The following CNTNAP2 variants were observed in gnomAD, a reference collection of about 807,000 sequenced individuals.
The protein encoded by CNTNAP2 is contactin-associated protein-like 2.
In CNTNAP2, 98 loss-of-function variants were observed where a neutral mutation model predicts 155.2. The observed-to-expected ratio is 0.63, with a 90% CI of 0.54 to 0.75. The LOEUF is 0.75. Ranked by LOEUF, CNTNAP2 falls within the 30% of genes least tolerant of loss-of-function variation. The pLI, the probability that CNTNAP2 is intolerant of heterozygous loss-of-function variation, is 0.00. For missense variants in CNTNAP2, 1,727 were observed against 1,688.1 expected (o/e 1.02, Z -0.40); for synonymous variants, 651 against 631.2 (o/e 1.03, Z -0.47).
intron 15 of CNTNAP2, among the ~76,000 whole-genome samples, chr7:148,003,450 A>G (rs1261467015): frequency 6.6e-6 from 1 of 152,188 alleles, no homozygotes; most frequent in Non-Finnish European, 1.5e-5. Context: ...TATTCACCCT[A>G]AATTTAATCA....
chr7:146,449,775 A>G (rs139508463), intron 1 of CNTNAP2, among the ~76,000 whole-genome samples: 1,611 of 152,314 alleles, frequency 0.011, 12 homozygotes, highest in South Asian at 0.018. Flanking sequence ...TTTTAGTATG[A>G]TGACAAGCTT....
chr7:146,794,935 A>C (rs1288019814), intron 2 of CNTNAP2, among the ~76,000 whole-genome samples: 7 of 152,220 alleles, frequency 4.6e-5, no homozygotes, highest in Non-Finnish European at 1.0e-4. Context: ...ACATTCATCA[A>C]GTTCTGCTCT....
intron 1 of CNTNAP2, among the ~76,000 whole-genome samples, chr7:146,350,253 G>T (rs1372134749): frequency 2.6e-5 from 4 of 151,804 alleles, no homozygotes; most frequent in African/African-American, 9.7e-5. Flanking sequence ...TCTTCCAGTT[G>T]ATCGAAAATT....
chr7:148,094,370 T>C (rs953591078), intron 15 of CNTNAP2, among the ~76,000 whole-genome samples: 1 of 152,208 alleles, frequency 6.6e-6, no homozygotes, highest in Non-Finnish European at 1.5e-5. Flanking sequence ...AATAATAGTG[T>C]TTTTGGTAAC....
In CNTNAP2 at chr7:147,977,884, T is replaced by A; in HGVS notation, c.2278T>A (p.Ser760Thr). The A allele has an allele frequency of 6.2e-7, 1 of 1,614,144 alleles. No homozygotes were observed. Among genetic ancestry groups the A allele is most frequent in the Non-Finnish European group, 8.5e-7 (1 of 1,180,016 alleles). ...KQWRKDAGFL[S>T]YKDHLPVSQV... ...CAGGAGGAAGGATGCTGGTTTCTTA[T>A]CATACAAAGATCACCTGCCAGTGAG... The change falls in exon 15 of 24, where the codon TCA (serine) becomes ACA (threonine). Residue 760 changes from serine to threonine, a missense_variant. Transcript: ENST00000361727.
At chr7:146,402,084 GTCTTCCAT>G (rs1795722612) in intron 1 of CNTNAP2, among the ~76,000 whole-genome samples, 3 of 152,056 alleles carry the variant, frequency 2.0e-5, no homozygotes, top group Admixed American at 6.6e-5. Flanking sequence ...GAAGTTGAAG[GTCTTCCAT>G]AAGTATGTTC....
At chr7:148,359,243 C>G in intron 21 of CNTNAP2, among the ~76,000 whole-genome samples, 1 of 152,172 alleles carries the variant, frequency 6.6e-6, no homozygotes, top group East Asian at 1.9e-4. Context: ...CTGTGACGTT[C>G]CCACAATAAC....
intron 3 of CNTNAP2, among the ~76,000 whole-genome samples, chr7:146,924,323 ACTGT>A (rs1796563308): frequency 6.6e-6 from 1 of 152,110 alleles, no homozygotes; most frequent in Non-Finnish European, 1.5e-5. Context: ...GATCAGTTTC[ACTGT>A]CTGGTGACTT....
intron 4 of CNTNAP2, among the ~76,000 whole-genome samples, chr7:147,083,609 T>C (rs999063289): frequency 6.9e-6 from 1 of 145,836 alleles, no homozygotes; most frequent in Non-Finnish European, 1.5e-5. Context: ...TCTATAATGC[T>C]ATATATAAAA....
intron 15 of CNTNAP2, among the ~76,000 whole-genome samples, chr7:147,992,392 G>T (rs962242320): frequency 4.3e-4 from 66 of 152,126 alleles, no homozygotes; most frequent in African/African-American, 1.5e-3. Context: ...GATTACAGGT[G>T]TGAGCCACCA....
At chr7:148,349,165 TA>T (rs1798373888) in intron 21 of CNTNAP2, among the ~76,000 whole-genome samples, 2 of 152,108 alleles carry the variant, frequency 1.3e-5, no homozygotes, top group Non-Finnish European at 2.9e-5. Context: ...AAGTCATTGT[TA>T]AATACGATGA....
chr7:146,307,768 G>A (rs542981095), intron 1 of CNTNAP2, among the ~76,000 whole-genome samples: 18 of 152,172 alleles, frequency 1.2e-4, no homozygotes, highest in East Asian at 5.8e-4. Flanking sequence ...GGGAAAACTC[G>A]CTAGCCATAT....
intron 13 of CNTNAP2, among the ~76,000 whole-genome samples, chr7:147,825,273 C>T (rs1233770042): frequency 1.3e-5 from 2 of 152,286 alleles, no homozygotes; most frequent in East Asian, 1.9e-4. Flanking sequence ...CTGAGCAGTG[C>T]TTCTAGTGAG....
chr7:147,591,821 A>T (rs1439124441), intron 12 of CNTNAP2, among the ~76,000 whole-genome samples: 1 of 152,088 alleles, frequency 6.6e-6, no homozygotes, highest in South Asian at 2.1e-4. Context: ...TCCTCTCACC[A>T]GGTAAACTCT....
chr7:146,658,853 G>A (rs1483428822), intron 1 of CNTNAP2, among the ~76,000 whole-genome samples: 1 of 152,178 alleles, frequency 6.6e-6, no homozygotes, highest in Non-Finnish European at 1.5e-5. Context: ...GATTACAGGT[G>A]GAGAGAAATG....
At chr7:147,642,005 T>TGTGC (rs758258223) in intron 13 of CNTNAP2, among the ~76,000 whole-genome samples, 3,391 of 133,122 alleles carry the variant, frequency 0.025, 127 homozygotes, top group African/African-American at 0.092. Context: ...TAGGTGTGTG[T>TGTGC]GTGTGCGTGT....
At chr7:147,318,534 A>G (rs1052504687) in intron 9 of CNTNAP2, among the ~76,000 whole-genome samples, 1 of 152,182 alleles carries the variant, frequency 6.6e-6, no homozygotes, top group African/African-American at 2.4e-5. Context: ...TGTCCTTTGC[A>G]GGGACACAGA....
chr7:147,743,266 G>A (rs546116043), intron 13 of CNTNAP2, among the ~76,000 whole-genome samples: 9 of 152,208 alleles, frequency 5.9e-5, no homozygotes, highest in Admixed American at 5.2e-4. Flanking sequence ...ACCTGTATCC[G>A]AAATCTCCCA....
intron 2 of CNTNAP2, among the ~76,000 whole-genome samples, chr7:146,793,122 T>G (rs1041672440): frequency 6.6e-6 from 1 of 152,210 alleles, no homozygotes; most frequent in East Asian, 1.9e-4. Flanking sequence ...ACTAAATTTT[T>G]AAAATCTGGT....
Sources: gnomAD v4.1 joint callset for allele counts (sites outside exome capture counted in the v4.1 genomes callset) on GRCh38, gnomAD v4.1.1 for gene constraint, MANE v1.5 for transcripts, NCBI Gene and HGNC (gene_info 2026-07-23, HGNC 2026-07-21) for gene names.